The following PRODH2 variants were observed in gnomAD, a reference collection of about 807,000 sequenced individuals.
The protein encoded by PRODH2 is hydroxyproline dehydrogenase.
PRODH2 carries 49 observed loss-of-function variants against 51.9 expected under a neutral mutation model. The observed-to-expected ratio is 0.94, with a 90% CI of 0.75 to 1.20. The LOEUF (loss-of-function observed/expected upper bound fraction) is 1.20, where lower values mean the gene tolerates loss of function less well. Ranked by LOEUF, PRODH2 falls within the 50% of genes most tolerant of loss-of-function variation. PRODH2 has a pLI of 0.00. For missense variants in PRODH2, 597 were observed against 610.9 expected, an observed-to-expected ratio of 0.98 and a Z score of 0.24; for synonymous variants, 249 against 260.7, an observed-to-expected ratio of 0.96 and a Z score of 0.43.
At chr19:35,811,576 G>C (rs1313509210) in intron 4 of PRODH2, among the ~76,000 whole-genome samples, 1 of 151,990 alleles carries the variant, frequency 6.6e-6, no homozygotes, top group Non-Finnish European at 1.5e-5. Context: ...GATGGAGTAG[G>C]GTTGAAAGAG....
At chr19:35,803,923 C>T (rs1447738182) in intron 7 of PRODH2, among the ~76,000 whole-genome samples, 1 of 145,340 alleles carries the variant, frequency 6.9e-6, no homozygotes, top group Non-Finnish European at 1.5e-5. Context: ...ATGTATTTCA[C>T]ATCCTCTGTG....
intron 8 of PRODH2, 54 bp from the exon 9 acceptor site, chr19:35,802,330 A>G: frequency 6.5e-7 from 1 of 1,530,206 alleles, no homozygotes; most frequent in South Asian, 1.1e-5. Flanking sequence ...TACAGCTTAA[A>G]GTCAGCCACT....
Position 35,807,059 on chromosome 19 carries a change from G to A in PRODH2, c.660C>T (p.Arg220=), listed in dbSNP as rs1369921646. The A allele has an allele frequency of 1.9e-6, 3 of 1,552,160 alleles. No homozygotes were observed. Among genetic ancestry groups the A allele is most frequent in the East Asian group, 4.9e-5 (2 of 41,210 alleles). ...GGGTTACCTGTGCCACCCGATGCAGGCGGCTGAGGGAGGCCCGGAGGTGCT... is the reference window on the plus strand; with the variant it reads ...GGGTTACCTGTGCCACCCGATGCAGACGGCTGAGGGAGGCCCGGAGGTGCT... The part of the protein sequence containing the change: ...QNQHLRASLS[R]LHRVAQYARA... Residue 220 remains arginine, a synonymous_variant, in exon 5 of 10, where the codon CGC becomes CGT. Coordinates refer to ENST00000653904, the MANE Select transcript of PRODH2 (RefSeq NM_021232.2).
chr19:35,806,934 T>A lies in PRODH2; in HGVS notation c.679-104A>T, dbSNP rs146681047. 14,118 of 1,540,394 alleles carry A rather than the reference T, an allele frequency of 9.2e-3. 969 individuals carry two copies. In the African/African-American group the frequency reaches 0.16, roughly 17 times the overall value. ...ACCTGTGCCACCCGATGCAGGCGGC[T>A]GAGGGAGGCCCGGAGGTGCTGGTTC... On this transcript the variant is annotated intron_variant, in intron 5 of 9. Coordinates refer to ENST00000653904, the MANE Select transcript of PRODH2 (RefSeq NM_021232.2).
chr19:35,801,415 A>G (rs978657688), intron 9 of PRODH2, among the ~76,000 whole-genome samples: 11 of 152,258 alleles, frequency 7.2e-5, no homozygotes, highest in African/African-American at 2.2e-4. Context: ...GCAGTGAGCC[A>G]AGATGGCACC....
rs10676244 is a variant in PRODH2 at position 35,810,260 on chromosome 19, A to AAATAATAAT, written c.597+1693_597+1701dup. On this transcript the variant is annotated intron_variant, in intron 4 of 9. Transcript: ENST00000653904. ...GGCAACAGAGCAAGACTCTGTCTTA[A>AAATAATAAT]AATAATAATAATAATAATAATAATA... 4.1e-3 allele frequency among the ~76,000 whole-genome samples: 593 copies of AAATAATAAT among 143,232 alleles called. 2 individuals are homozygous for AAATAATAAT. The highest frequency in any genetic ancestry group is 0.01 in the South Asian group (47 of 4,608). The allele number at this position is 143,232 out of a possible 152,430, so 94.0% of individuals were successfully genotyped here.
intron 4 of PRODH2, among the ~76,000 whole-genome samples, chr19:35,811,117 G>A (rs538137194): frequency 6.6e-6 from 1 of 152,022 alleles, no homozygotes; most frequent in African/African-American, 2.4e-5. Flanking sequence ...AAGGTGGCGG[G>A]GGCATGGATG....
At chr19:35,803,947 G>A (rs896567097) in intron 7 of PRODH2, among the ~76,000 whole-genome samples, 30 of 152,068 alleles carry the variant, frequency 2.0e-4, no homozygotes, top group African/African-American at 6.8e-4. Flanking sequence ...CTTCCCTATC[G>A]CCCCCCAGAC....
In PRODH2 at chr19:35,801,845, C is replaced by T. The variant is rs2146778146; in HGVS notation, c.1198+346G>A. On this transcript the variant is annotated intron_variant, in intron 9 of 9. Coordinates refer to ENST00000653904, the MANE Select transcript of PRODH2 (RefSeq NM_021232.2). ...ATGTATTTGCAGCTCAAATTTGTGC[C>T]AGTGGGGTGTTTCAAGAAACCTCAA... The T allele has an allele frequency of 1.1e-5, 3 of 265,068 alleles. No homozygotes were observed. The South Asian group carries it at 2.1e-4, about 18-fold the overall frequency. The allele number at this position is 265,068 out of a possible 1,614,324, so 16.4% of individuals were successfully genotyped here. A position where few individuals can be genotyped will look rare whatever the true frequency, so the allele number is the denominator to read the frequency against.
intron 7 of PRODH2, among the ~76,000 whole-genome samples, chr19:35,805,160 T>G (rs143647484): frequency 1.8e-4 from 27 of 152,306 alleles, no homozygotes; most frequent in African/African-American, 6.0e-4. Flanking sequence ...AGAGTGGTGA[T>G]GGTTGCACAA....
chr19:35,806,324 A>C, intron 7 of PRODH2, 106 bp downstream of exon 7: 5 of 1,397,918 alleles, frequency 3.6e-6, no homozygotes, highest in South Asian at 1.3e-5. Context: ...TCTCAAGTGA[A>C]TCTCTAGCCT....
At chr19:35,802,392 T>C in intron 8 of PRODH2, 116 bp from the exon 9 acceptor site, 1 of 888,036 alleles carries the variant, frequency 1.1e-6, no homozygotes, top group Non-Finnish European at 1.9e-6. Flanking sequence ...ATTTCCAAAC[T>C]CAATGATACA....
At chr19:35,811,288 C>G (rs1418335370) in intron 4 of PRODH2, among the ~76,000 whole-genome samples, 1 of 151,582 alleles carries the variant, frequency 6.6e-6, no homozygotes, top group Non-Finnish European at 1.5e-5. Context: ...TGTGGTGGCT[C>G]ACACCTATAA....
In PRODH2 at chr19:35,812,661, AG is replaced by A. The variant is rs1431472148; in HGVS notation, c.144del (p.Trp49GlyfsTer45). ...TRALLVLRLC[A>X]WPPLVTHGLL... The stretch of plus-strand genomic sequence containing the variant: ...AGCCCGTGAGTGACGAGTGGGGGCC[AG>A]GCACACAGCCGGAGAACCAGCAAGG... On this transcript the variant is annotated frameshift_variant, in exon 1 of 10. Coordinates refer to ENST00000653904, the MANE Select transcript of PRODH2 (RefSeq NM_021232.2). LOFTEE classifies it high-confidence loss of function. 1 of 1,596,802 alleles carries A rather than the reference AG, an allele frequency of 6.3e-7. No homozygotes were observed. Among genetic ancestry groups the A allele is most frequent in the Non-Finnish European group, 8.6e-7 (1 of 1,169,114 alleles).
In PRODH2 at chr19:35,812,197, G is replaced by A. The variant is rs1972622633; in HGVS notation, c.447C>T (p.Pro149=). 1 of 1,614,054 alleles carries A rather than the reference G, an allele frequency of 6.2e-7. No homozygotes were observed. The highest frequency in any genetic ancestry group is 2.2e-5 in the East Asian group (1 of 44,876). ...VDLSRGLLEP[P]SLAEASLMQL... ...GCATGAGGCTGGCCTCAGCCAGGCT[G>A]GGGGGCTCCAGGAGGCCCCGTGACA... Residue 149 remains proline, a synonymous_variant, in exon 3 of 10, where the codon CCC becomes CCT. Transcript: ENST00000653904.
intron 7 of PRODH2, among the ~76,000 whole-genome samples, chr19:35,804,676 C>T (rs1031788431): frequency 2.0e-5 from 3 of 152,222 alleles, no homozygotes; most frequent in African/African-American, 4.8e-5. Flanking sequence ...CTGGCTTACG[C>T]CTATAATCCC....
In PRODH2 at chr19:35,806,423, G is replaced by A; in HGVS notation, c.1001+7C>T. 3.1e-6 allele frequency: 5 copies of A among 1,613,938 alleles called. No individual in the cohort carries two copies. The highest frequency in any genetic ancestry group is 4.2e-6 in the Non-Finnish European group (5 of 1,180,000). On this transcript the variant is annotated splice_region_variant and intron_variant, in intron 7 of 9. Coordinates refer to ENST00000653904, the MANE Select transcript of PRODH2 (RefSeq NM_021232.2). ...TTTCCTGCAGAGGCCAGCTGGCCCGGGCCTACCTCTGACTGGTGGCCTCAT... is the reference window on the plus strand; with the variant it reads ...TTTCCTGCAGAGGCCAGCTGGCCCGAGCCTACCTCTGACTGGTGGCCTCAT...
intron 8 of PRODH2, 55 bp downstream of exon 8, chr19:35,802,913 G>A: frequency 7.8e-7 from 1 of 1,285,794 alleles, no homozygotes; most frequent in Non-Finnish European, 1.1e-6. Context: ...CAAAGGAGAG[G>A]AAGGGAGGGC....
chr19:35,811,872 G>A, intron 4 of PRODH2, 90 bp downstream of exon 4: 1 of 1,269,798 alleles, frequency 7.9e-7, no homozygotes, highest in Non-Finnish European at 1.1e-6. Flanking sequence ...GCCTGGAGGT[G>A]GCCGTAGCAT....
Sources: allele counts gnomAD v4.1 joint callset (sites outside exome capture counted in the v4.1 genomes callset), GRCh38; gene constraint gnomAD v4.1.1; transcripts MANE v1.5; gene names NCBI Gene and HGNC (gene_info 2026-07-23, HGNC 2026-07-21).